CEACAM16: variants seen among roughly 807,000 people sequenced by gnomAD.
The protein encoded by CEACAM16 is CEA cell adhesion molecule 16, tectorial membrane component, also known as cell adhesion molecule CEACAM16.
A neutral mutation model predicts 39.4 loss-of-function variants in CEACAM16; 30 were observed. The ratio of observed to expected loss-of-function variants is 0.76; its 90% CI spans 0.57 to 1.03. The LOEUF is 1.03. Ranked by LOEUF, CEACAM16 falls within the 50% of genes least tolerant of loss-of-function variation. The probability of loss-of-function intolerance (pLI) is 0.00; values close to 1 mark genes in which losing one functional copy is unlikely to be tolerated. For synonymous variants in CEACAM16, 262 were observed against 264.9 expected, an observed-to-expected ratio of 0.99 and a Z score of 0.11; for missense variants, 521 against 585.3, an observed-to-expected ratio of 0.89 and a Z score of 1.13.
chr19:44,706,826 A>C (rs1289202415), intron 5 of CEACAM16, among the ~76,000 whole-genome samples: 1 of 152,210 alleles, frequency 6.6e-6, no homozygotes, highest in East Asian at 1.9e-4. Context: ...GGCTTCTAGC[A>C]CTGTCAGCAA....
chr19:44,708,185 C>A lies in CEACAM16; in HGVS notation c.1265C>A (p.Ala422Asp), dbSNP rs939786744. 2.6e-6 allele frequency: 4 copies of A among 1,563,868 alleles called. No individual in the cohort carries two copies. The highest frequency in any genetic ancestry group is 1.7e-6 in the Non-Finnish European group (2 of 1,147,358). ...ACACTGGAAGTGGAGCTGCAGGTGG[C>A]CCGTGAGTGTGTGGGAAGGGGCAAG... is the stretch of plus-strand genomic sequence containing the variant. Reference protein sequence around the residue: ...TETLEVELQVAPLG With the variant: ...TETLEVELQVDPLG Residue 422 changes from alanine (A) to aspartate (D), a missense_variant and splice_region_variant, in exon 6 of 7, where the codon GCC (alanine) becomes GAC (aspartate). By Grantham distance (126) the Ala-to-Asp change is moderately radical (BLOSUM62 -2). Coordinates refer to ENST00000587331, the MANE Select transcript of CEACAM16 (RefSeq NM_001039213.4).
chr19:44,701,630 C>A lies in CEACAM16; in HGVS notation c.37+137C>A. 2 of 845,146 alleles carry A rather than the reference C, an allele frequency of 2.4e-6. No homozygotes were observed. Among genetic ancestry groups the A allele is most frequent in the Non-Finnish European group, 1.9e-6 (1 of 523,712 alleles). The allele number at this position is 845,146 out of a possible 1,614,324, so 52.4% of individuals were successfully genotyped here. Reference sequence around the variant, plus strand: ...GAGGGAGGGCAGCCCTGCTTCACACCGGCAGTTTACCCCTCCAAGAGGCAT... The same window carrying A: ...GAGGGAGGGCAGCCCTGCTTCACACAGGCAGTTTACCCCTCCAAGAGGCAT... On this transcript the variant is annotated intron_variant, in intron 2 of 6. Coordinates refer to ENST00000587331, the MANE Select transcript of CEACAM16 (RefSeq NM_001039213.4). The surrounding 1 kb of genome is among the most constrained non-coding windows in gnomAD (Gnocchi z 4.0).
rs1214118306 is a variant in CEACAM16 at position 44,701,408 on chromosome 19, C to G, written c.-49C>G. ...GCCCCAACCAGGAAGGGAGTCCGAG[C>G]ACTGGGACTTCAACGCCACCATCTC... On this transcript the variant is annotated 5_prime_UTR_variant, in exon 2 of 7. Transcript: ENST00000587331. The surrounding 1 kb of genome is among the most constrained non-coding windows in gnomAD (Gnocchi z 4.0). The G allele has an allele frequency of 6.5e-7, 1 of 1,548,836 alleles. No individual in the cohort carries two copies. Among genetic ancestry groups the G allele is most frequent in the Non-Finnish European group, 8.7e-7 (1 of 1,143,498 alleles).
chr19:44,708,275 A>G (rs1266994347), intron 6 of CEACAM16, 88 bp downstream of exon 6: 1 of 1,306,586 alleles, frequency 7.7e-7, no homozygotes, highest in Admixed American at 2.7e-5. Context: ...GGCTGGGGGG[A>G]CATAGACCAA....
At chr19:44,707,183 A>G (rs1483332043) in intron 5 of CEACAM16, among the ~76,000 whole-genome samples, 3 of 151,944 alleles carry the variant, frequency 2.0e-5, no homozygotes, top group Admixed American at 6.6e-5. Flanking sequence ...CTGATGGGGT[A>G]TCCACCTTTG....
chr19:44,703,214 C>G, intron 2 of CEACAM16, 135 bp from the exon 3 acceptor site: 1 of 705,824 alleles, frequency 1.4e-6, no homozygotes, highest in Non-Finnish European at 2.3e-6. Context: ...AGGTTCAAAT[C>G]CTGGTTTTGC....
intron 6 of CEACAM16, among the ~76,000 whole-genome samples, chr19:44,708,964 G>A (rs1156271090): frequency 6.6e-6 from 1 of 151,542 alleles, no homozygotes; most frequent in Non-Finnish European, 1.5e-5. Flanking sequence ...GCTCTCAGAT[G>A]TTGGGAACCG....
intron 2 of CEACAM16, 118 bp from the exon 3 acceptor site, chr19:44,703,231 T>C: frequency 1.2e-6 from 1 of 864,022 alleles, no homozygotes; most frequent in Non-Finnish European, 1.7e-6. Context: ...TTGCCTGTCC[T>C]CATTTACACA....
intron 1 of CEACAM16, among the ~76,000 whole-genome samples, chr19:44,699,914 C>T (rs1466513884): frequency 6.6e-5 from 10 of 151,934 alleles, no homozygotes. Flanking sequence ...CAACCTCTAC[C>T]TCCTGGATTC....
rs1490118154 is a variant in CEACAM16, at chr19:44,705,638, G to T, written c.710G>T (p.Gly237Val). The T allele has an allele frequency of 6.2e-7, 1 of 1,613,046 alleles. No homozygotes were observed. The highest frequency in any genetic ancestry group is 8.5e-7 in the Non-Finnish European group (1 of 1,179,154). Reference protein sequence around the residue: ...AILQDSTTRTGCTIKVDFNTS... With the variant: ...AILQDSTTRTVCTIKVDFNTS... The stretch of plus-strand genomic sequence containing the variant: ...CTCCAGGATTCCACCACCCGCACAG[G>T]CTGCACCATCAAAGTTGACTTCAAC... Residue 237 changes from glycine (G) to valine (V), a missense_variant, in exon 5 of 7, where the codon GGC becomes GTC. Transcript: ENST00000587331.
Position 44,704,115 on chromosome 19 carries a change from C to G in CEACAM16, c.480C>G (p.Ala160=). ...RLMCSSPSPT[A]EVRWFFNGGA... ...TGTGCAGCAGCCCCAGCCCCACCGC[C>G]GAGGTCCGCTGGTTCTTCAACGGTG... is the stretch of plus-strand genomic sequence containing the variant. Residue 160 remains alanine (A), a synonymous_variant, in exon 4 of 7, where the codon GCC becomes GCG. Transcript: ENST00000587331. 1 of 1,600,568 alleles carries G rather than the reference C, an allele frequency of 6.2e-7. No homozygotes were observed. Among genetic ancestry groups the G allele is most frequent in the East Asian group, 2.3e-5 (1 of 43,830 alleles).
chr19:44,707,457 C>T (rs1346782640), intron 5 of CEACAM16, among the ~76,000 whole-genome samples: 2 of 152,100 alleles, frequency 1.3e-5, no homozygotes, highest in Non-Finnish European at 1.5e-5. Flanking sequence ...TGGGGTCTCT[C>T]GGTCTGACAG....
At chr19:44,708,455 T>C (rs1249931748) in intron 6 of CEACAM16, among the ~76,000 whole-genome samples, 1 of 152,178 alleles carries the variant, frequency 6.6e-6, no homozygotes, top group African/African-American at 2.4e-5. Flanking sequence ...CCCCCATGCC[T>C]TCTCTCTCAA....
At chr19:44,699,361 C>T (rs759714358) in intron 1 of CEACAM16, 101 bp downstream of exon 1, 1 of 505,058 alleles carries the variant, frequency 2.0e-6, no homozygotes. Flanking sequence ...GAAACTGAGG[C>T]TTGGCAGAGT....
chr19:44,701,407 G>A lies in CEACAM16; in HGVS notation c.-50G>A, dbSNP rs1334388178. 3.2e-6 allele frequency: 5 copies of A among 1,550,176 alleles called. No homozygotes were observed. The highest frequency in any genetic ancestry group is 2.4e-5 in the East Asian group (1 of 41,080). ...AGCCCCAACCAGGAAGGGAGTCCGA[G>A]CACTGGGACTTCAACGCCACCATCT... On this transcript the variant is annotated 5_prime_UTR_variant, in exon 2 of 7. Coordinates refer to ENST00000587331, the MANE Select transcript of CEACAM16 (RefSeq NM_001039213.4). The surrounding 1 kb of genome is among the most constrained non-coding windows in gnomAD (Gnocchi z 4.0).
rs201593262 is a variant in CEACAM16, at chr19:44,703,445, C to G, written c.134C>G (p.Ser45Trp). Residue 45 changes from serine to tryptophan, a missense_variant, in exon 3 of 7, where the codon TCG (serine) becomes TGG (tryptophan). By Grantham distance (177) the Ser-to-Trp change is radical. Transcript: ENST00000587331. ...GTCACGCTGGTCGTCCATGGGCTTT[C>G]GGGGGAACTGCTCGCCTACAGCTGG... ...DNVTLVVHGL[S>W]GELLAYSWYA... 6.2e-7 allele frequency: 1 copy of G among 1,613,834 alleles called. No individual in the cohort carries two copies. Among genetic ancestry groups the G allele is most frequent in the South Asian group, 1.1e-5 (1 of 91,084 alleles).
chr19:44,700,853 C>T (rs780299164), intron 1 of CEACAM16, among the ~76,000 whole-genome samples: 30 of 152,218 alleles, frequency 2.0e-4, no homozygotes, highest in Non-Finnish European at 4.0e-4. Context: ...TGGGTTTGCA[C>T]ACAGAGCAGG....
Position 44,701,590 on chromosome 19 carries a change from G to A in CEACAM16, c.37+97G>A, listed in dbSNP as rs982611416. ...TGAGAGAGGGAAGGTGTGAGCAGAA[G>A]TCCAGCGTGCTAGGGAGGGAGGGCA... On this transcript the variant is annotated intron_variant, in intron 2 of 6. Coordinates refer to ENST00000587331, the MANE Select transcript of CEACAM16 (RefSeq NM_001039213.4). This position sits in a 1 kb window ranked among gnomAD's most constrained non-coding sequence, Gnocchi z 4.0. The A allele has an allele frequency of 3.3e-6, 4 of 1,225,346 alleles. No individual in the cohort carries two copies. The highest frequency in any genetic ancestry group is 4.6e-6 in the Non-Finnish European group (4 of 861,136). The allele number at this position is 1,225,346 out of a possible 1,614,324, so 75.9% of individuals were successfully genotyped here.
intron 5 of CEACAM16, 38 bp downstream of exon 5, chr19:44,705,906 T>C: frequency 3.8e-6 from 6 of 1,587,348 alleles, no homozygotes; most frequent in Non-Finnish European, 4.3e-6. Flanking sequence ...CCAGTCCCCA[T>C]GGAGGCCTCA....
Sources: allele counts gnomAD v4.1 joint callset (sites outside exome capture counted in the v4.1 genomes callset), GRCh38; gene constraint gnomAD v4.1.1; non-coding constraint Gnocchi (gnomAD v3.1); transcripts MANE v1.5; gene names NCBI Gene and HGNC (gene_info 2026-07-23, HGNC 2026-07-21).